PRTG: variants seen among roughly 807,000 people sequenced by gnomAD.
PRTG encodes protogenin, also known as immunoglobulin superfamily, DCC subclass, member 5.
In PRTG, 67 loss-of-function variants were observed where a neutral mutation model predicts 122.5. The observed-to-expected ratio is 0.55, with a 90% CI of 0.45 to 0.67. The LOEUF (loss-of-function observed/expected upper bound fraction) is 0.67. Ranked by LOEUF, PRTG falls within the 30% of genes least tolerant of loss-of-function variation. The pLI, the probability that PRTG is intolerant of heterozygous loss-of-function variation, is 0.00. For synonymous variants in PRTG, 554 were observed against 501.1 expected (o/e 1.11, Z -1.41); for missense variants, 1,435 against 1,415.4 (o/e 1.01, Z -0.22).
chr15:55,686,488 A>G (rs1434045436), intron 2 of PRTG, among the ~76,000 whole-genome samples: 1 of 152,294 alleles, frequency 6.6e-6, no homozygotes, highest in African/African-American at 2.4e-5. Context: ...TGAATTAAGT[A>G]TTCAATTCAA....
chr15:55,684,251 C>T (rs904933731), intron 2 of PRTG, among the ~76,000 whole-genome samples: 2 of 152,182 alleles, frequency 1.3e-5, no homozygotes, highest in African/African-American at 4.8e-5. Context: ...GTGGTACAAA[C>T]TTCAAATACT....
chr15:55,648,678 T>A (rs1229848704), intron 11 of PRTG, among the ~76,000 whole-genome samples: 1 of 152,176 alleles, frequency 6.6e-6, no homozygotes, highest in Non-Finnish European at 1.5e-5. Flanking sequence ...ATCAAAACAG[T>A]TATGCATGAA....
chr15:55,620,756 G>T lies in PRTG; in HGVS notation c.3105C>A (p.Asp1035Glu). 6.3e-7 allele frequency: 1 copy of T among 1,589,946 alleles called. No homozygotes were observed. Among genetic ancestry groups the T allele is most frequent in the Non-Finnish European group, 8.5e-7 (1 of 1,173,712 alleles). ...NSFIDAKGGT[D>E]LIINSYGPII... ...TAGGACCATAGCTATTAATTATCAG[G>T]TCAGTTCCTCCCTGAGGAAATAAAA... Residue 1035 changes from aspartate (D) to glutamate (E), a missense_variant, in exon 19 of 20, where the codon GAC (aspartate) becomes GAA (glutamate). Asp to Glu is a conservative substitution (Grantham distance 45, BLOSUM62 2). Transcript: ENST00000389286.
At chr15:55,721,747 T>TA (rs2030834391) in intron 2 of PRTG, among the ~76,000 whole-genome samples, 1 of 152,108 alleles carries the variant, frequency 6.6e-6, no homozygotes, top group African/African-American at 2.4e-5. Flanking sequence ...TCAGGAAACT[T>TA]ACAATCACGG....
intron 11 of PRTG, among the ~76,000 whole-genome samples, chr15:55,658,150 G>A (rs569866045): frequency 1.3e-5 from 2 of 152,226 alleles, no homozygotes; most frequent in Admixed American, 6.5e-5. Flanking sequence ...CATTCAGGAT[G>A]GTATGGCTGT....
At chr15:55,637,478 G>A (rs2059264400) in intron 14 of PRTG, 138 bp from the exon 15 acceptor site, 2 of 567,518 alleles carry the variant, frequency 3.5e-6, no homozygotes, top group East Asian at 3.1e-5. Context: ...AAGATCATTA[G>A]TGATAATACT....
At position 55,679,911 on chromosome 15, in the gene PRTG, T is replaced by A. The variant is rs1194992687; in HGVS notation, c.973+143A>T. ...ACAGTTATATTTTAACATAAATATT[T>A]GTTTTTTCCTGAAATTCATCATTTG... On this transcript the variant is annotated intron_variant, in intron 6 of 19. Transcript: ENST00000389286. 7.7e-6 allele frequency: 5 copies of A among 649,326 alleles called. No homozygotes were observed. The African/African-American group carries it at 9.2e-5, about 12-fold the overall frequency. 40.2% of individuals were successfully genotyped at this position (649,326 alleles called of 1,614,324 possible).
rs756111076 is a variant in PRTG, at chr15:55,677,782, C to T, written c.1381+15G>A. 6.2e-7 allele frequency: 1 copy of T among 1,611,720 alleles called. No individual in the cohort carries two copies. Among genetic ancestry groups the T allele is most frequent in the African/African-American group, 1.3e-5 (1 of 74,922 alleles). ...CAAGGAGTACTTAAAAATAAGCACT[C>T]CTAAAATCGCTTACCTTCTGCTTTC... On this transcript the variant is annotated intron_variant, in intron 8 of 19. Transcript: ENST00000389286.
intron 12 of PRTG, 170 bp from the exon 13 acceptor site, chr15:55,639,998 C>A: frequency 1.0e-6 from 1 of 977,702 alleles, no homozygotes; most frequent in Non-Finnish European, 1.2e-6. Flanking sequence ...ACAGCTCTTC[C>A]GTGAGTTATA....
At chr15:55,684,430 A>T (rs530144515) in intron 2 of PRTG, among the ~76,000 whole-genome samples, 1 of 152,320 alleles carries the variant, frequency 6.6e-6, no homozygotes, top group East Asian at 1.9e-4. Context: ...CATGAAGACA[A>T]GCACAGAGGT....
At chr15:55,680,651 T>C (rs1410175114) in intron 4 of PRTG, 23 bp from the exon 5 acceptor site, 1 of 1,423,832 alleles carries the variant, frequency 7.0e-7, no homozygotes, top group East Asian at 2.4e-5. Flanking sequence ...AAAGACAGAA[T>C]ATAAAAATAA....
intron 2 of PRTG, among the ~76,000 whole-genome samples, chr15:55,702,580 A>G (rs2029932849): frequency 1.3e-5 from 2 of 152,202 alleles, no homozygotes; most frequent in Non-Finnish European, 2.9e-5. Flanking sequence ...AGTTTAAATT[A>G]CTTTATAACA....
chr15:55,635,076 T>G (rs2059249978), intron 15 of PRTG, among the ~76,000 whole-genome samples: 1 of 88,112 alleles, frequency 1.1e-5, no homozygotes, highest in African/African-American at 4.9e-5. Context: ...TGGTTCTGGG[T>G]GTGTGTGTGT....
intron 2 of PRTG, 116 bp downstream of exon 2, chr15:55,740,266 T>A (rs2031565333): frequency 2.2e-6 from 2 of 924,788 alleles, no homozygotes; most frequent in Admixed American, 2.6e-5. Flanking sequence ...TCAACTATTA[T>A]CTCCAGTAAA....
chr15:55,721,945 G>A (rs1368898970), intron 2 of PRTG, among the ~76,000 whole-genome samples: 2 of 152,172 alleles, frequency 1.3e-5, no homozygotes, highest in Non-Finnish European at 2.9e-5. Flanking sequence ...ACCACACGTG[G>A]AGATTATGGG....
intron 16 of PRTG, 66 bp downstream of exon 16, chr15:55,628,756 A>G: frequency 7.8e-7 from 1 of 1,289,466 alleles, no homozygotes; most frequent in Admixed American, 2.2e-5. Flanking sequence ...AGGAGCAGAA[A>G]TAATGTGTAA....
chr15:55,659,770 T>C (rs2059399421), intron 11 of PRTG, among the ~76,000 whole-genome samples: 1 of 151,670 alleles, frequency 6.6e-6, no homozygotes, highest in South Asian at 2.1e-4. Context: ...AAACACAAAA[T>C]TAGCTGGGCG....
At chr15:55,648,001 A>G (rs1202296976) in intron 11 of PRTG, among the ~76,000 whole-genome samples, 1 of 152,216 alleles carries the variant, frequency 6.6e-6, no homozygotes, top group African/African-American at 2.4e-5. Context: ...CAACCATGTC[A>G]CATGGTATAT....
At chr15:55,641,019 C>A in intron 12 of PRTG, 94 bp downstream of exon 12, 1 of 867,064 alleles carries the variant, frequency 1.2e-6, no homozygotes, top group East Asian at 2.5e-5. Context: ...GCCACCAAAG[C>A]TTCCAAGTAG....
Sources: allele counts gnomAD v4.1 joint callset (sites outside exome capture counted in the v4.1 genomes callset), GRCh38; gene constraint gnomAD v4.1.1; transcripts MANE v1.5; gene names NCBI Gene and HGNC (gene_info 2026-07-23, HGNC 2026-07-21).